Variants in ARSG observed in about 807,000 individuals in gnomAD.
ARSG encodes the protein arylsulfatase G.
ARSG carries 37 observed loss-of-function variants against 50.5 expected under a neutral mutation model. That is an observed-to-expected ratio of 0.73 (90% confidence interval 0.56 to 0.96). ARSG has a LOEUF of 0.96. Ranked by LOEUF, ARSG falls within the 50% of genes least tolerant of loss-of-function variation. The pLI, the probability that ARSG is intolerant of heterozygous loss-of-function variation, is 0.00. For missense variants in ARSG, 629 were observed against 675.3 expected (o/e 0.93, Z 0.76); for synonymous variants, 225 against 254.6 (o/e 0.88, Z 1.11).
intron 6 of ARSG, among the ~76,000 whole-genome samples, chr17:68,359,322 T>G (rs549671658): frequency 1.3e-5 from 2 of 152,270 alleles, no homozygotes; most frequent in African/African-American, 4.8e-5. Context: ...ACTCCAAAAT[T>G]GTGCACACTT....
At chr17:68,355,587 T>C (rs2078994141) in intron 5 of ARSG, among the ~76,000 whole-genome samples, 1 of 152,150 alleles carries the variant, frequency 6.6e-6, no homozygotes, top group East Asian at 1.9e-4. Flanking sequence ...ACTCCTGACC[T>C]TAGGTGATCC....
At chr17:68,436,658 T>C in the ARSG span, among the ~76,000 whole-genome samples, 2 of 152,166 alleles carry the variant, frequency 1.3e-5, no homozygotes, top group African/African-American at 4.8e-5. Flanking sequence ...ATAAAGCAAC[T>C]TCACAGGGGA....
At chr17:68,382,318 G>T (rs1568553060) in intron 8 of ARSG, among the ~76,000 whole-genome samples, 1 of 152,152 alleles carries the variant, frequency 6.6e-6, no homozygotes, top group Non-Finnish European at 1.5e-5. Context: ...TTCCCCATCT[G>T]AAAGATGGGG....
At chr17:68,267,389 T>G (rs1047525) in intron 1 of ARSG, 43 of 152,308 alleles carry the variant, frequency 2.8e-4, no homozygotes, top group East Asian at 1.2e-3. Flanking sequence ...GACAGACACT[T>G]TGTCATTTCC....
At position 68,395,193 on chromosome 17, in the gene ARSG, G is replaced by C. The variant is rs1449785808; in HGVS notation, c.1212G>C (p.Arg404Ser). 6.2e-7 allele frequency: 1 copy of C among 1,613,806 alleles called. No homozygotes were observed. Among genetic ancestry groups the C allele is most frequent in the Non-Finnish European group, 8.5e-7 (1 of 1,179,820 alleles). ...VLFGRSQPGH[R>S]VLFHPNSGAA... is the part of the protein sequence containing the mutation. Reference sequence around the variant, plus strand: ...TTGGCCGGTCACAGCCTGGGCACAGGGTAAGTGGAGGAGGTACTTGCCCAC... The same window carrying C: ...TTGGCCGGTCACAGCCTGGGCACAGCGTAAGTGGAGGAGGTACTTGCCCAC... Residue 404 changes from arginine to serine, a missense_variant and splice_region_variant, in exon 10 of 12, where the codon AGG becomes AGC. Physicochemically the swap from Arg to Ser is moderately radical, Grantham distance 110. Transcript: ENST00000621439.
At chr17:68,327,455 C>G (rs1360843233) in intron 2 of ARSG, among the ~76,000 whole-genome samples, 1 of 152,168 alleles carries the variant, frequency 6.6e-6, no homozygotes, top group East Asian at 1.9e-4. Context: ...TTTGGTAGCT[C>G]CAGGCATTCC....
chr17:68,385,229 G>A, intron 9 of ARSG, 57 bp downstream of exon 9: 1 of 1,501,278 alleles, frequency 6.7e-7, no homozygotes, highest in Non-Finnish European at 9.3e-7. Context: ...AAGTCATGGA[G>A]GCATGGGTGG....
chr17:68,269,590 G>A (rs1291371508), intron 1 of ARSG, among the ~76,000 whole-genome samples: 1 of 145,644 alleles, frequency 6.9e-6, no homozygotes, highest in Non-Finnish European at 1.5e-5. Context: ...TAAAACCTGG[G>A]ACATTTCGAT....
In ARSG at chr17:68,381,961, C is replaced by CT. The variant is rs71293553; in HGVS notation, c.983-3090dup. Among the ~76,000 whole-genome samples, 341 of 142,524 alleles carry CT rather than the reference C, an allele frequency of 2.4e-3. 2 individuals carry two copies. Among genetic ancestry groups the CT allele is most frequent in the East Asian group, 0.011 (52 of 4,946 alleles). 93.5% of individuals were successfully genotyped at this position (142,524 alleles called of 152,430 possible). ...TTGGCTCTATCATTTTCTTTCTTTC[C>CT]TTTTTTTTTTTTTGACAGAGTCTCT... On this transcript the variant is annotated intron_variant, in intron 8 of 11. Coordinates refer to ENST00000621439, the MANE Select transcript of ARSG (RefSeq NM_001267727.2). The surrounding 1 kb of genome is among the most constrained non-coding windows in gnomAD (Gnocchi z 4.1).
intron 8 of ARSG, among the ~76,000 whole-genome samples, chr17:68,374,352 TGC>T (rs2080035842): frequency 2.4e-5 from 1 of 41,252 alleles, no homozygotes; most frequent in South Asian, 6.3e-4. Flanking sequence ...GTCCAGAAGG[TGC>T]AGAAGGTGTG....
intron 6 of ARSG, 30 bp downstream of exon 6, chr17:68,356,834 TC>T (rs1298906388): frequency 1.2e-6 from 2 of 1,612,246 alleles, no homozygotes; most frequent in Admixed American, 3.3e-5. Context: ...CCGCAGGGCC[TC>T]CCCCTGCCTC....
intron 9 of ARSG, among the ~76,000 whole-genome samples, chr17:68,393,938 CTT>C (rs2081115622): frequency 6.7e-6 from 1 of 150,156 alleles, no homozygotes; most frequent in Admixed American, 6.6e-5. Context: ...GAGAATGAAT[CTT>C]CTATTTTTTT....
Position 68,273,813 on chromosome 17 carries a change from T to C in ARSG, c.-552+14387T>C, listed in dbSNP as rs2144990973. The C allele has an allele frequency of 3.0e-6, 4 of 1,313,628 alleles. No individual in the cohort carries two copies. The East Asian group carries it at 9.3e-5, about 31-fold the overall frequency. The allele number at this position is 1,313,628 out of a possible 1,614,324, so 81.4% of individuals were successfully genotyped here. ...TACTGATCTGAGACACTGTTAATGT[T>C]AAAGAAAAAAAGAAAGAGAAAGAAA... On this transcript the variant is annotated intron_variant, in intron 1 of 11. Transcript: ENST00000448504.
intron 4 of ARSG, 30 bp from the exon 5 acceptor site, chr17:68,351,544 TG>T (rs908531576): frequency 2.1e-5 from 27 of 1,299,658 alleles, no homozygotes; most frequent in Middle Eastern, 1.8e-4. Flanking sequence ...CGCAGCCACG[TG>T]GGGGTGCTAA....
chr17:68,280,685 T>C (rs1452080531), intron 1 of ARSG, among the ~76,000 whole-genome samples: 1 of 152,126 alleles, frequency 6.6e-6, no homozygotes, highest in Non-Finnish European at 1.5e-5. Flanking sequence ...ATAAAACTAC[T>C]AGAAGAAAAC....
At chr17:68,387,990 AAGAAGGG>A (rs1248468139) in intron 9 of ARSG, among the ~76,000 whole-genome samples, 8 of 152,206 alleles carry the variant, frequency 5.3e-5, no homozygotes, top group Admixed American at 3.9e-4. Context: ...CATAAGATGA[AAGAAGGG>A]TCTTGCACGT....
the ARSG span, among the ~76,000 whole-genome samples, chr17:68,435,984 G>A: frequency 6.6e-6 from 1 of 152,216 alleles, no homozygotes; most frequent in Admixed American, 6.5e-5. Flanking sequence ...CGTCGCAGGC[G>A]CGCCCTGCAC....
At chr17:68,351,203 T>C (rs1199161798) in intron 4 of ARSG, among the ~76,000 whole-genome samples, 1 of 152,132 alleles carries the variant, frequency 6.6e-6, no homozygotes, top group African/African-American at 2.4e-5. Context: ...TCTGTGGTTG[T>C]GGCAGCTAAG....
the ARSG span, among the ~76,000 whole-genome samples, chr17:68,433,760 GTTTTTTTTTTTTTTTTTTTTTTTTTTT>G: frequency 1.4e-5 from 1 of 72,814 alleles, no homozygotes; most frequent in Non-Finnish European, 2.3e-5. Context: ...AAGGGTCATA[GTTTTTTTTTTTTTTTTTTTTTTTTTTT>G]TTTTTTTTTT....
Sources: allele counts gnomAD v4.1 joint callset (sites outside exome capture counted in the v4.1 genomes callset), GRCh38; gene constraint gnomAD v4.1.1; non-coding constraint Gnocchi (gnomAD v3.1); transcripts MANE v1.5; gene names NCBI Gene and HGNC (gene_info 2026-07-23, HGNC 2026-07-21).